Variants in AXIN1 observed in about 807,000 individuals in gnomAD.
The protein encoded by AXIN1 is axin-1.
A neutral mutation model predicts 76.4 loss-of-function variants in AXIN1; 30 were observed. That is an observed-to-expected ratio of 0.39 (90% CI 0.29 to 0.53). The LOEUF is 0.53. Among genes scored for constraint, AXIN1 ranks in the 20% least tolerant of loss-of-function variants. The pLI is 0.66. For synonymous variants in AXIN1, 545 were observed against 501.4 expected (o/e 1.09, Z -1.16); for missense variants, 1,140 against 1,198.8 (o/e 0.95, Z 0.72).
At position 320,743 on chromosome 16, in the gene AXIN1, A is replaced by ATATTTTTTTTT. The variant is rs397722732; in HGVS notation, c.879-6061_879-6060insAAAAAAAAATA. Among the ~76,000 whole-genome samples, 119 of 107,612 alleles carry ATATTTTTTTTT rather than the reference A, an allele frequency of 1.1e-3. 1 individual carries two copies. Among genetic ancestry groups the ATATTTTTTTTT allele is most frequent in the South Asian group, 1.4e-3 (5 of 3,576 alleles). 70.6% of individuals were successfully genotyped at this position (107,612 alleles called of 152,430 possible). A position where few individuals can be genotyped will look rare whatever the true frequency, so the allele number is the denominator to read the frequency against. ...TGTGTGTATATATATATATATATAT[A>ATATTTTTTTTT]TTTTTTTTTTTTTTGAGACGGAGCC... is the stretch of plus-strand genomic sequence containing the variant. On this transcript the variant is annotated intron_variant, in intron 2 of 10. Coordinates refer to ENST00000262320, the MANE Select transcript of AXIN1 (RefSeq NM_003502.4).
At chr16:308,507 A>C (rs2053086926) in intron 4 of AXIN1, among the ~76,000 whole-genome samples, 1 of 152,184 alleles carries the variant, frequency 6.6e-6, no homozygotes, top group South Asian at 2.1e-4. Context: ...CAGCCCACTC[A>C]AGCCCCGTCC....
rs2141702111 is a variant in AXIN1, at chr16:346,346, C to T, written c.680G>A (p.Gly227Glu). The T allele has an allele frequency of 6.2e-7, 1 of 1,614,222 alleles. No individual in the cohort carries two copies. Among genetic ancestry groups the T allele is most frequent in the Non-Finnish European group, 8.5e-7 (1 of 1,180,042 alleles). ...AGATATGCCCTTCCCTGTCCCTGAC[C>T]CAGAGCTCTGGTCACTACAGACTTT... Reference protein sequence around the residue: ...SPKVCSDQSSGSGTGKGISGY... With the variant: ...SPKVCSDQSSESGTGKGISGY... The change falls in exon 2 of 11, where the codon GGG becomes GAG. Residue 227 changes from glycine (G) to glutamate (E), a missense_variant. This residue lies in a region of AXIN1 where 708 missense variants were observed against 776.9 expected (regional missense o/e 0.91). Coordinates refer to ENST00000262320, the MANE Select transcript of AXIN1 (RefSeq NM_003502.4).
In AXIN1 at chr16:327,373, G is replaced by T. The variant is rs115263145; in HGVS notation, c.879-12690C>A. 2.0e-5 allele frequency among the ~76,000 whole-genome samples: 3 copies of T among 152,314 alleles called. No individual in the cohort carries two copies. The East Asian group carries it at 5.8e-4, about 29-fold the overall frequency. Reference sequence around the variant, plus strand: ...CACTCAGGGTGGCAGACACAAAAGGGCAAGAGAATGAGTCACCAGGCACCA... The same window carrying T: ...CACTCAGGGTGGCAGACACAAAAGGTCAAGAGAATGAGTCACCAGGCACCA... On this transcript the variant is annotated intron_variant, in intron 2 of 10. Coordinates refer to ENST00000262320, the MANE Select transcript of AXIN1 (RefSeq NM_003502.4).
intron 4 of AXIN1, 92 bp from the exon 5 acceptor site, chr16:304,533 G>GT: frequency 1.9e-6 from 3 of 1,569,636 alleles, no homozygotes; most frequent in Non-Finnish European, 2.6e-6. Context: ...TATCTCTGTT[G>GT]TATTTTATTT....
At chr16:288,358 A>G (rs1784015167) in intron 10 of AXIN1, 110 bp from the exon 11 acceptor site, 2 of 1,523,540 alleles carry the variant, frequency 1.3e-6, no homozygotes, top group Non-Finnish European at 1.8e-6. Flanking sequence ...CCTCCTGTCC[A>G]TGCCCCACGG....
At chr16:314,029 GACC>G (rs890454320) in intron 3 of AXIN1, among the ~76,000 whole-genome samples, 9 of 152,196 alleles carry the variant, frequency 5.9e-5, no homozygotes, top group African/African-American at 1.2e-4. Flanking sequence ...CACCCTCAGG[GACC>G]ACATCACTCG....
At chr16:352,165 C>A (rs1447185283) in intron 1 of AXIN1, among the ~76,000 whole-genome samples, 1 of 151,864 alleles carries the variant, frequency 6.6e-6, no homozygotes, top group Non-Finnish European at 1.5e-5. Flanking sequence ...CTGCTCCGTG[C>A]CCCGAGACGC....
intron 2 of AXIN1, among the ~76,000 whole-genome samples, chr16:329,416 T>C (rs1270989145): frequency 1.3e-5 from 2 of 152,138 alleles, no homozygotes; most frequent in East Asian, 1.9e-4. Context: ...AGCAGTGGGA[T>C]ATCAGACCAT....
chr16:303,223 C>T (rs752473192), intron 5 of AXIN1, among the ~76,000 whole-genome samples: 23 of 152,070 alleles, frequency 1.5e-4, no homozygotes, highest in Non-Finnish European at 2.8e-4. Flanking sequence ...AAACTCCAGC[C>T]GGCCTGCGCA....
chr16:351,142 A>AAAAAAAC (rs1426922583), intron 1 of AXIN1, among the ~76,000 whole-genome samples: 1 of 151,866 alleles, frequency 6.6e-6, no homozygotes, highest in Non-Finnish European at 1.5e-5. Context: ...CAAAAAAAAA[A>AAAAAAAC]AAAAACTGAA....
intron 4 of AXIN1, among the ~76,000 whole-genome samples, chr16:307,229 C>T (rs1251112282): frequency 1.3e-5 from 2 of 152,174 alleles, no homozygotes; most frequent in Non-Finnish European, 2.9e-5. Flanking sequence ...GAGGGGCCAA[C>T]AGGAGCACTC....
At chr16:300,811 AG>A (rs2052848880) in intron 5 of AXIN1, among the ~76,000 whole-genome samples, 1 of 152,176 alleles carries the variant, frequency 6.6e-6, no homozygotes. Flanking sequence ...GGGTCTTCCT[AG>A]GGACTAAAAG....
chr16:291,337 CCA>C, intron 8 of AXIN1, 40 bp from the exon 9 acceptor site: 1 of 1,523,298 alleles, frequency 6.6e-7, no homozygotes, highest in African/African-American at 1.4e-5. Context: ...GTGCCGGCGG[CCA>C]CCAGCCCTGG....
chr16:306,959 C>A (rs2053043084), intron 4 of AXIN1, among the ~76,000 whole-genome samples: 2 of 152,364 alleles, frequency 1.3e-5, no homozygotes, highest in South Asian at 4.1e-4. Flanking sequence ...ACAAGCCACC[C>A]TTTCCCGCTG....
chr16:291,105 G>T, intron 9 of AXIN1, 85 bp downstream of exon 9: 2 of 1,323,474 alleles, frequency 1.5e-6, no homozygotes, highest in Non-Finnish European at 1.1e-6. Flanking sequence ...CTCAAGCCCC[G>T]GGACGGCGGC....
chr16:321,004 C>T (rs1451393295), intron 2 of AXIN1, among the ~76,000 whole-genome samples: 1 of 152,118 alleles, frequency 6.6e-6, no homozygotes, highest in South Asian at 2.1e-4. Context: ...TCCCAAAGTG[C>T]TGGGATTACA....
chr16:290,161 G>A (rs74995176), intron 9 of AXIN1: 4,109 of 169,730 alleles, frequency 0.024, 164 homozygotes, highest in African/African-American at 0.091. Flanking sequence ...CAGCCGTGCC[G>A]GGATGACGGG....
intron 3 of AXIN1, among the ~76,000 whole-genome samples, chr16:312,214 G>A (rs1052264788): frequency 6.6e-6 from 1 of 152,294 alleles, no homozygotes; most frequent in South Asian, 2.1e-4. Flanking sequence ...TTGTGAGCTT[G>A]CCGCCAGCAC....
intron 9 of AXIN1, 87 bp downstream of exon 9, chr16:291,103 C>G: frequency 7.6e-7 from 1 of 1,313,976 alleles, no homozygotes; most frequent in Non-Finnish European, 1.1e-6. Flanking sequence ...AGCTCAAGCC[C>G]CGGGACGGCG....
Sources: gnomAD v4.1 joint callset for allele counts (sites outside exome capture counted in the v4.1 genomes callset) on GRCh38, gnomAD v4.1.1 for gene constraint, gnomAD v4.1.1 regional missense constraint, MANE v1.5 for transcripts, NCBI Gene and HGNC (gene_info 2026-07-23, HGNC 2026-07-21) for gene names.